The following ASL variants were observed in gnomAD, a reference collection of about 807,000 sequenced individuals.
ASL encodes argininosuccinate lyase, also known as argininosuccinase.
In ASL, 51 loss-of-function variants were observed where a neutral mutation model predicts 69.1. That is an observed-to-expected ratio of 0.74 (90% CI 0.59 to 0.93). The LOEUF (loss-of-function observed/expected upper bound fraction) is 0.93. ASL is among the 40% of genes least tolerant of loss of function. The pLI, the probability that ASL is intolerant of heterozygous loss-of-function variation, is 0.00. For missense variants in ASL, 540 were observed against 623.9 expected, an observed-to-expected ratio of 0.87 and a Z score of 1.43; for synonymous variants, 241 against 247.6, an observed-to-expected ratio of 0.97 and a Z score of 0.25.
At position 66,089,597 on chromosome 7, in the gene ASL, C is replaced by T. The variant is rs370257293; in HGVS notation, c.979-15C>T. The T allele has an allele frequency of 1.2e-5, 20 of 1,612,990 alleles. No homozygotes were observed. In the African/African-American group the frequency reaches 2.7e-4, roughly 22 times the overall value. On this transcript the variant is annotated splice_polypyrimidine_tract_variant and intron_variant, in intron 13 of 16. Coordinates refer to ENST00000304874, the MANE Select transcript of ASL (RefSeq NM_000048.4). The stretch of plus-strand genomic sequence containing the variant: ...GGGGCTGCTAGGCCCTCACCTCCTG[C>T]CATGTGCCTCCCAGGAGGACAAGGA...
At chr7:66,077,432 A>G (rs980079201) in intron 2 of ASL, among the ~76,000 whole-genome samples, 6 of 151,978 alleles carry the variant, frequency 3.9e-5, no homozygotes, top group Non-Finnish European at 7.4e-5. Context: ...TCAAAAAAAT[A>G]AAAATAAAAA....
intron 14 of ASL, among the ~76,000 whole-genome samples, chr7:66,091,517 G>A (rs1403509889): frequency 6.6e-6 from 1 of 152,292 alleles, no homozygotes; most frequent in African/African-American, 2.4e-5. Context: ...CCAGGATTGT[G>A]CCATTGCACT....
chr7:66,091,778 A>T (rs773488384), intron 14 of ASL: 8 of 578,374 alleles, frequency 1.4e-5, no homozygotes, highest in African/African-American at 1.9e-5. Context: ...GGACTCTTTG[A>T]AAACATAAAG....
At chr7:66,082,636 G>A (rs556940515) in intron 4 of ASL, among the ~76,000 whole-genome samples, 185 bp downstream of exon 4, 7 of 152,162 alleles carry the variant, frequency 4.6e-5, no homozygotes, top group Non-Finnish European at 1.5e-5. Flanking sequence ...TGAGGTGGGA[G>A]GATTGCTTGA....
chr7:66,076,133 A>G, intron 2 of ASL, 40 bp downstream of exon 2: 1 of 1,579,288 alleles, frequency 6.3e-7, no homozygotes, highest in Non-Finnish European at 8.6e-7. Context: ...CCTAGCCTCC[A>G]AAGGAGAGAG....
At chr7:66,085,500 C>T (rs1786634707) in intron 6 of ASL, among the ~76,000 whole-genome samples, 1 of 152,062 alleles carries the variant, frequency 6.6e-6, no homozygotes, top group Non-Finnish European at 1.5e-5. Flanking sequence ...AAAAACAGGC[C>T]AGGTATGGTG....
Position 66,083,832 on chromosome 7 carries a change from C to T in ASL, c.446+658C>T, listed in dbSNP as rs368395087. Among the ~76,000 whole-genome samples the T allele has an allele frequency of 4.6e-5, 7 of 152,300 alleles. No individual in the cohort carries two copies. In the East Asian group the frequency reaches 5.8e-4, roughly 13 times the overall value. On this transcript the variant is annotated intron_variant, in intron 6 of 16. Coordinates refer to ENST00000304874, the MANE Select transcript of ASL (RefSeq NM_000048.4). ...CCCCCAGATCCCCCATCCTAAGCTT[C>T]GCCTCCCCATCCAGCCCATCTGGCA...
intron 9 of ASL, 91 bp downstream of exon 9, chr7:66,087,477 T>C: frequency 1.4e-6 from 2 of 1,461,854 alleles, no homozygotes; most frequent in Non-Finnish European, 1.9e-6. Flanking sequence ...GGCAGGGGCC[T>C]GTGGCTCCTG....
chr7:66,086,228 G>A (rs563599905), intron 6 of ASL, among the ~76,000 whole-genome samples: 7 of 152,148 alleles, frequency 4.6e-5, no homozygotes, highest in Non-Finnish European at 1.0e-4. Context: ...GCTATTTCTA[G>A]GGTCCTCAAA....
intron 2 of ASL, among the ~76,000 whole-genome samples, chr7:66,080,855 A>T (rs1324042608): frequency 6.6e-6 from 1 of 152,128 alleles, no homozygotes; most frequent in Non-Finnish European, 1.5e-5. Context: ...TTTCAGAGCC[A>T]AGGGAGTGGT....
chr7:66,086,532 A>G, intron 6 of ASL, 53 bp from the exon 7 acceptor site: 2 of 1,590,900 alleles, frequency 1.3e-6, no homozygotes, highest in Non-Finnish European at 1.7e-6. Context: ...CCAGTGTCAC[A>G]GGCAGGCCTT....
intron 6 of ASL, among the ~76,000 whole-genome samples, chr7:66,085,668 T>G (rs1786640959): frequency 6.6e-6 from 1 of 151,048 alleles, no homozygotes. Context: ...AGTGCAATGG[T>G]GCAATCTCAA....
In ASL at chr7:66,086,565, C is replaced by T. The variant is rs370515460; in HGVS notation, c.447-20C>T. The T allele has an allele frequency of 3.1e-5, 50 of 1,612,768 alleles. No individual in the cohort carries two copies. Among genetic ancestry groups the T allele is most frequent in the South Asian group, 2.5e-4 (23 of 91,042 alleles). Reference sequence around the variant, plus strand: ...CTTGCATGAGCCTCCACCCGAGCTTCTGCTCCTCCTCTCCCACAGGGAACG... The same window carrying T: ...CTTGCATGAGCCTCCACCCGAGCTTTTGCTCCTCCTCTCCCACAGGGAACG... On this transcript the variant is annotated intron_variant, in intron 6 of 16. Transcript: ENST00000304874.
chr7:66,078,421 A>G (rs138434708), intron 2 of ASL, among the ~76,000 whole-genome samples: 101 of 152,142 alleles, frequency 6.6e-4, no homozygotes, highest in Admixed American at 5.2e-3. Flanking sequence ...GGGCCAGAGC[A>G]CTGGAGAGGT....
chr7:66,088,281 G>A (rs148177278), intron 10 of ASL, among the ~76,000 whole-genome samples: 3,188 of 151,318 alleles, frequency 0.021, 43 homozygotes, highest in Middle Eastern at 0.069. Flanking sequence ...AGGAGTTTAA[G>A]ACCAGCCTGG....
rs748643275 is a variant in ASL, at chr7:66,082,873, C to T, written c.292-7C>T. ...GACCGTGACCCTGGGTCTCCCTTCA[C>T]CTCCAGGAGCTCATTGGTGCAACGG... On this transcript the variant is annotated splice_polypyrimidine_tract_variant and splice_region_variant and intron_variant, in intron 4 of 16. Transcript: ENST00000304874. The T allele has an allele frequency of 1.9e-6, 3 of 1,613,682 alleles. No homozygotes were observed. The highest frequency in any genetic ancestry group is 1.7e-6 in the Non-Finnish European group (2 of 1,179,976).
Position 66,093,223 on chromosome 7 carries a change from G to C in ASL, c.*311G>C, listed in dbSNP as rs1250018345. On this transcript the variant is annotated 3_prime_UTR_variant, in exon 17 of 17. Coordinates refer to ENST00000304874, the MANE Select transcript of ASL (RefSeq NM_000048.4). The stretch of plus-strand genomic sequence containing the variant: ...TCCCAGCTACTTGTAAGGCTGAGGT[G>C]AGAGGACACTTGTGCCCAGGAGTGG... 1 of 462,392 alleles carries C rather than the reference G, an allele frequency of 2.2e-6. No individual in the cohort carries two copies. Among genetic ancestry groups the C allele is most frequent in the Non-Finnish European group, 4.0e-6 (1 of 248,850 alleles). 28.6% of individuals were successfully genotyped at this position (462,392 alleles called of 1,614,324 possible).
At chr7:66,077,744 A>T (rs1323202971) in intron 2 of ASL, among the ~76,000 whole-genome samples, 1 of 152,140 alleles carries the variant, frequency 6.6e-6, no homozygotes. Context: ...AAGAAAAAAA[A>T]CCCACAAGTC....
In ASL at chr7:66,093,573, A is replaced by G. The variant is rs960780783; in HGVS notation, c.*661A>G. 6.4e-6 allele frequency: 1 copy of G among 155,586 alleles called. No individual in the cohort carries two copies. The highest frequency in any genetic ancestry group is 1.4e-5 in the Non-Finnish European group (1 of 70,180). The allele number at this position is 155,586 out of a possible 1,614,324, so 9.6% of individuals were successfully genotyped here. A position where few individuals can be genotyped will look rare whatever the true frequency, so the allele number is the denominator to read the frequency against. On this transcript the variant is annotated 3_prime_UTR_variant, in exon 17 of 17. Coordinates refer to ENST00000304874, the MANE Select transcript of ASL (RefSeq NM_000048.4). ...ATTAAAAAAAACATGAATGAAAGCA[A>G]AAACAAAACAACTAGCCAAACTGGG...
Sources: allele counts gnomAD v4.1 joint callset (sites outside exome capture counted in the v4.1 genomes callset), GRCh38; gene constraint gnomAD v4.1.1; transcripts MANE v1.5; gene names NCBI Gene and HGNC (gene_info 2026-07-23, HGNC 2026-07-21).